RBM33: variants seen among roughly 807,000 people sequenced by gnomAD.
RBM33 encodes RNA-binding protein 33.
RBM33 carries 28 observed loss-of-function variants against 132.6 expected under a neutral mutation model. The observed-to-expected ratio is 0.21, with a 90% CI of 0.16 to 0.29. The LOEUF (loss-of-function observed/expected upper bound fraction) is 0.29, where lower values mean the gene tolerates loss of function less well. Ranked by LOEUF, RBM33 falls within the 10% of genes least tolerant of loss-of-function variation. The probability of loss-of-function intolerance (pLI) is 1.00; values close to 1 mark genes in which losing one functional copy is unlikely to be tolerated. For synonymous variants in RBM33, 634 were observed against 593.0 expected, an observed-to-expected ratio of 1.07 and a Z score of -1.01; for missense variants, 1,291 against 1,518.5, an observed-to-expected ratio of 0.85 and a Z score of 2.49.
At chr7:155,711,151 T>G (rs1476418630) in intron 7 of RBM33, 52 bp from the exon 8 acceptor site, 5 of 1,010,704 alleles carry the variant, frequency 4.9e-6, no homozygotes, top group Admixed American at 7.2e-5. Context: ...TGAACTTTTG[T>G]TTTTTTTTTT....
intron 15 of RBM33, 30 bp from the exon 16 acceptor site, chr7:155,766,437 C>T (rs376799019): frequency 1.9e-4 from 298 of 1,608,192 alleles, no homozygotes; most frequent in Non-Finnish European, 2.4e-4. Flanking sequence ...AGGCTTGAAA[C>T]TCTGAATGTA....
chr7:155,701,659 A>C (rs1799966895), intron 6 of RBM33, among the ~76,000 whole-genome samples: 1 of 152,148 alleles, frequency 6.6e-6, no homozygotes, highest in South Asian at 2.1e-4. Context: ...GATTGATTAG[A>C]TATAGGGTAG....
rs1343851080 is a variant in RBM33, at chr7:155,780,769, C to T, written c.*5728C>T. Reference sequence around the variant, plus strand: ...GGTGGGAAGGTGCTGACGATTTTCACACTGTGTTTACCACTCCATCACCTC... The same window carrying T: ...GGTGGGAAGGTGCTGACGATTTTCATACTGTGTTTACCACTCCATCACCTC... On this transcript the variant is annotated 3_prime_UTR_variant, in exon 18 of 18. Coordinates refer to ENST00000401878, the MANE Select transcript of RBM33 (RefSeq NM_053043.3). The T allele has an allele frequency of 6.6e-6, 1 of 152,482 alleles. No individual in the cohort carries two copies. The highest frequency in any genetic ancestry group is 1.5e-5 in the Non-Finnish European group (1 of 68,120). 9.4% of individuals were successfully genotyped at this position (152,482 alleles called of 1,614,324 possible).
At chr7:155,647,708 C>T (rs1798239236) in intron 1 of RBM33, among the ~76,000 whole-genome samples, 1 of 152,154 alleles carries the variant, frequency 6.6e-6, no homozygotes. Context: ...ACGTGAGCCA[C>T]CATGCCTTGG....
chr7:155,719,254 G>A (rs537406624), intron 9 of RBM33, among the ~76,000 whole-genome samples: 4 of 152,096 alleles, frequency 2.6e-5, no homozygotes, highest in African/African-American at 9.6e-5. Flanking sequence ...TAAAACAGAG[G>A]TAGTCTTATT....
At chr7:155,702,433 A>G (rs1799992776) in intron 6 of RBM33, among the ~76,000 whole-genome samples, 1 of 152,136 alleles carries the variant, frequency 6.6e-6, no homozygotes, top group Admixed American at 6.5e-5. Flanking sequence ...TCAAGTTATG[A>G]TATGAAGTTG....
intron 1 of RBM33, among the ~76,000 whole-genome samples, chr7:155,656,876 A>G (rs1017274704): frequency 7.2e-5 from 11 of 152,088 alleles, no homozygotes; most frequent in Admixed American, 7.2e-4. Context: ...CTTTTCCAAT[A>G]AAGGCCTTAA....
intron 5 of RBM33, among the ~76,000 whole-genome samples, chr7:155,687,603 G>GT (rs1799517188): frequency 6.6e-6 from 1 of 152,078 alleles, no homozygotes; most frequent in Non-Finnish European, 1.5e-5. Context: ...GGTTTTTATG[G>GT]TTTTAGGTCT....
intron 1 of RBM33, among the ~76,000 whole-genome samples, chr7:155,660,951 T>A (rs2116883264): frequency 6.6e-6 from 1 of 152,116 alleles, no homozygotes; most frequent in South Asian, 2.1e-4. Context: ...TTCTTTGGAT[T>A]ATGTCATCTC....
At chr7:155,765,170 C>CT (rs759597853) in intron 15 of RBM33, among the ~76,000 whole-genome samples, 1 of 152,138 alleles carries the variant, frequency 6.6e-6, no homozygotes, top group Non-Finnish European at 1.5e-5. Flanking sequence ...TCCTATCTTA[C>CT]TTAAGCAATT....
rs377132940 is a variant in RBM33, at chr7:155,763,798, C to T, written c.2980-14C>T. 10 of 1,602,896 alleles carry T rather than the reference C, an allele frequency of 6.2e-6. No individual in the cohort carries two copies. The African/African-American group carries it at 1.3e-4, about 21-fold the overall frequency. On this transcript the variant is annotated splice_polypyrimidine_tract_variant and intron_variant, in intron 14 of 17. Coordinates refer to ENST00000401878, the MANE Select transcript of RBM33 (RefSeq NM_053043.3). ...CAGACACTGAACAACGTGCTGCCTT[C>T]TTGGTTTCAGCAGGGAGGAGAGAGC...
chr7:155,756,324 G>A (rs1048774087), intron 14 of RBM33, among the ~76,000 whole-genome samples: 1 of 152,128 alleles, frequency 6.6e-6, no homozygotes, highest in Non-Finnish European at 1.5e-5. Flanking sequence ...AAATAAATGG[G>A]TAGATTTAAT....
In RBM33 at chr7:155,644,824, G is replaced by T; in HGVS notation, c.-53G>T. 7.0e-7 allele frequency: 1 copy of T among 1,420,536 alleles called. No individual in the cohort carries two copies. The highest frequency in any genetic ancestry group is 9.3e-7 in the Non-Finnish European group (1 of 1,078,862). The allele number at this position is 1,420,536 out of a possible 1,614,324, so 88.0% of individuals were successfully genotyped here. On this transcript the variant is annotated 5_prime_UTR_variant, in exon 1 of 18. Transcript: ENST00000401878. ...TACCCGGGCCCGGACCAGGCACGTCGGCCCACCAGCTGGCTTGGTGGGGGA... is the reference window on the plus strand; with the variant it reads ...TACCCGGGCCCGGACCAGGCACGTCTGCCCACCAGCTGGCTTGGTGGGGGA...
At chr7:155,764,479 C>T (rs1194583996) in intron 15 of RBM33, among the ~76,000 whole-genome samples, 1 of 152,270 alleles carries the variant, frequency 6.6e-6, no homozygotes, top group Non-Finnish European at 1.5e-5. Context: ...TTCCCAGCTG[C>T]TTAATCCTTC....
chr7:155,648,768 A>G (rs1203314409), intron 1 of RBM33, among the ~76,000 whole-genome samples: 1 of 152,178 alleles, frequency 6.6e-6, no homozygotes, highest in African/African-American at 2.4e-5. Flanking sequence ...TACTAATGAC[A>G]AAGTCCCTTA....
Position 155,739,888 on chromosome 7 carries a change from C to T in RBM33, c.1911C>T (p.His637=), listed in dbSNP as rs1801270168. The change falls in exon 12 of 18, where the codon CAC becomes CAT. Residue 637 remains histidine, a synonymous_variant. Coordinates refer to ENST00000401878, the MANE Select transcript of RBM33 (RefSeq NM_053043.3). ...PQHPPQHQHH[H]HHHHLSVPPP... Reference sequence around the variant, plus strand: ...ACCCGCCGCAGCACCAGCACCACCACCACCACCACCACCTGTCCGTCCCGC... The same window carrying T: ...ACCCGCCGCAGCACCAGCACCACCATCACCACCACCACCTGTCCGTCCCGC... 4 of 1,548,396 alleles carry T rather than the reference C, an allele frequency of 2.6e-6. No homozygotes were observed. In the South Asian group the frequency reaches 3.6e-5, roughly 14 times the overall value.
chr7:155,657,840 G>A (rs192411806), intron 1 of RBM33, among the ~76,000 whole-genome samples: 172 of 150,288 alleles, frequency 1.1e-3, no homozygotes, highest in Admixed American at 2.8e-3. Context: ...TTTTCATGAA[G>A]CATGACTTTT....
intron 16 of RBM33, among the ~76,000 whole-genome samples, chr7:155,772,690 T>C (rs1802470616): frequency 6.6e-6 from 1 of 152,228 alleles, no homozygotes; most frequent in South Asian, 2.1e-4. Flanking sequence ...ACTGAACTTG[T>C]TTCAGAAAAA....
intron 5 of RBM33, among the ~76,000 whole-genome samples, chr7:155,683,604 T>C (rs553676213): frequency 6.6e-6 from 1 of 152,304 alleles, no homozygotes; most frequent in African/African-American, 2.4e-5. Flanking sequence ...TCCAGAGACA[T>C]CAATAAAGCT....
Sources: gnomAD v4.1 joint callset for allele counts (sites outside exome capture counted in the v4.1 genomes callset) on GRCh38, gnomAD v4.1.1 for gene constraint, MANE v1.5 for transcripts, NCBI Gene and HGNC (gene_info 2026-07-23, HGNC 2026-07-21) for gene names.